Variants in LOC400499 observed in about 807,000 individuals in gnomAD.
chr16:11,392,387 A>G, the LOC400499 span: 2 of 398,774 alleles, frequency 5.0e-6, no homozygotes, highest in Non-Finnish European at 8.8e-6. Flanking sequence ...GGCAGCCTGC[A>G]GGGTCAGGCG....
At chr16:11,387,350 G>A in the LOC400499 span, 13 of 1,210,744 alleles carry the variant, frequency 1.1e-5, no homozygotes, top group Non-Finnish European at 1.2e-5. Flanking sequence ...TGCTTCCCTT[G>A]GCTGCAGAGG....
chr16:11,517,837 G>A, the LOC400499 span, among the ~76,000 whole-genome samples: 2 of 152,178 alleles, frequency 1.3e-5, no homozygotes, highest in East Asian at 3.8e-4. Context: ...CCTGGGTGGA[G>A]TTGGAAGACA....
At chr16:11,384,182 G>A in the LOC400499 span, 1 of 1,221,552 alleles carries the variant, frequency 8.2e-7, no homozygotes, top group Non-Finnish European at 1.0e-6. Flanking sequence ...AAGAACCTCA[G>A]CTGGAAGCAG....
the LOC400499 span, among the ~76,000 whole-genome samples, chr16:11,482,226 G>C: frequency 6.6e-6 from 1 of 152,286 alleles, no homozygotes; most frequent in African/African-American, 2.4e-5. Context: ...TTCCTGCCTG[G>C]AGACAGTGTC....
chr16:11,465,063 C>T, the LOC400499 span, among the ~76,000 whole-genome samples: 1 of 152,202 alleles, frequency 6.6e-6, no homozygotes, highest in Non-Finnish European at 1.5e-5. Context: ...CACTCCAGGC[C>T]TCTCTGAGAA....
the LOC400499 span, among the ~76,000 whole-genome samples, chr16:11,499,455 A>G: frequency 2.0e-5 from 3 of 151,940 alleles, no homozygotes; most frequent in African/African-American, 4.8e-5. Context: ...GCCACCTGCT[A>G]GGCTGTGAAC....
chr16:11,467,701 T>G, the LOC400499 span, among the ~76,000 whole-genome samples: 484 of 152,332 alleles, frequency 3.2e-3, 5 homozygotes, highest in African/African-American at 0.011. Flanking sequence ...CCTCAAAACT[T>G]GTTACATCAT....
the LOC400499 span, chr16:11,414,616 A>G: frequency 1.0e-5 from 4 of 398,574 alleles, no homozygotes; most frequent in African/African-American, 8.2e-5. Context: ...CCTCAAACAC[A>G]ACACCAGCAG....
At chr16:11,478,115 C>G in the LOC400499 span, 27 of 392,112 alleles carry the variant, frequency 6.9e-5, no homozygotes, top group Admixed American at 7.6e-4. Context: ...GAGTTTGAGA[C>G]CAGCCTGGCC....
chr16:11,486,540 T>G, the LOC400499 span, among the ~76,000 whole-genome samples: 1 of 90,702 alleles, frequency 1.1e-5, no homozygotes, highest in African/African-American at 4.5e-5. Context: ...GATGGGAGGG[T>G]GGGTGGATAG....
At chr16:11,438,139 G>A in the LOC400499 span, among the ~76,000 whole-genome samples, 1 of 152,170 alleles carries the variant, frequency 6.6e-6, no homozygotes, top group Admixed American at 6.5e-5. Flanking sequence ...GTGACCATGA[G>A]CTAATCCACA....
At chr16:11,445,659 G>A in the LOC400499 span, among the ~76,000 whole-genome samples, 2 of 152,128 alleles carry the variant, frequency 1.3e-5, no homozygotes, top group Non-Finnish European at 2.9e-5. Flanking sequence ...GGCAGATGCA[G>A]GCCACGAAGC....
chr16:11,453,037 G>T, the LOC400499 span, among the ~76,000 whole-genome samples: 2 of 152,048 alleles, frequency 1.3e-5, no homozygotes, highest in Non-Finnish European at 2.9e-5. Flanking sequence ...TTTCTCCTGG[G>T]ATCCTTTTTA....
the LOC400499 span, chr16:11,460,467 G>A: frequency 1.3e-6 from 2 of 1,517,408 alleles, no homozygotes; most frequent in Admixed American, 2.0e-5. Context: ...CACCTGGCCT[G>A]GGAACCCACC....
chr16:11,412,998 G>A, the LOC400499 span: 23 of 399,138 alleles, frequency 5.8e-5, no homozygotes, highest in Non-Finnish European at 9.3e-5. Flanking sequence ...TACATAGCCT[G>A]AGGAGCCTCA....
chr16:11,499,749 C>T, the LOC400499 span, among the ~76,000 whole-genome samples: 6 of 152,162 alleles, frequency 3.9e-5, no homozygotes, highest in East Asian at 1.9e-4. Flanking sequence ...TGTGTCTTCA[C>T]TCCCGCTCCC....
At chr16:11,411,053 G>A in the LOC400499 span, among the ~76,000 whole-genome samples, 23 of 152,244 alleles carry the variant, frequency 1.5e-4, no homozygotes, top group Non-Finnish European at 2.5e-4. Flanking sequence ...ACGGGGGCTG[G>A]CCCAGGAATG....
chr16:11,382,685 C>T, the LOC400499 span, among the ~76,000 whole-genome samples: 1 of 152,164 alleles, frequency 6.6e-6, no homozygotes, highest in Non-Finnish European at 1.5e-5. Context: ...TGGCTCCCGC[C>T]TGTCATTTCA....
chr16:11,392,573 CG>C, the LOC400499 span: 1 of 403,266 alleles, frequency 2.5e-6, no homozygotes. Context: ...CACCGCTTTC[CG>C]TAGCTCCCCA....
Sources: allele counts gnomAD v4.1 joint callset (sites outside exome capture counted in the v4.1 genomes callset), GRCh38; gene constraint gnomAD v4.1.1; transcripts MANE v1.5.